PRKAG2: variants seen among roughly 807,000 people sequenced by gnomAD.
PRKAG2 encodes 5'-AMP-activated protein kinase subunit gamma-2.
PRKAG2 carries 26 observed loss-of-function variants against 69.6 expected under a neutral mutation model. The observed-to-expected ratio is 0.37, with a 90% CI of 0.27 to 0.52. The LOEUF (loss-of-function observed/expected upper bound fraction) is 0.52. Among genes scored for constraint, PRKAG2 ranks in the 20% least tolerant of loss-of-function variants. The pLI is 0.90. For synonymous variants in PRKAG2, 293 were observed against 285.0 expected, an observed-to-expected ratio of 1.03 and a Z score of -0.28; for missense variants, 557 against 740.0, an observed-to-expected ratio of 0.75 and a Z score of 2.87.
At chr7:151,853,250 G>A (rs1418695140) in intron 1 of PRKAG2, among the ~76,000 whole-genome samples, 1 of 152,170 alleles carries the variant, frequency 6.6e-6, no homozygotes, top group Non-Finnish European at 1.5e-5. Context: ...CTGCAGCTGG[G>A]TCGACACAGC....
chr7:151,663,823 T>C (rs1010903084), intron 4 of PRKAG2, among the ~76,000 whole-genome samples: 1 of 152,216 alleles, frequency 6.6e-6, no homozygotes, highest in Non-Finnish European at 1.5e-5. Context: ...CCCCTTTGCA[T>C]TGGATGTTCC....
At chr7:151,639,635 A>G (rs546339347) in intron 4 of PRKAG2, among the ~76,000 whole-genome samples, 1 of 152,298 alleles carries the variant, frequency 6.6e-6, no homozygotes, top group South Asian at 2.1e-4. Context: ...TGGGCATCAG[A>G]ACTCCAGGCT....
intron 3 of PRKAG2, among the ~76,000 whole-genome samples, chr7:151,743,913 T>C (rs2074084353): frequency 6.6e-6 from 1 of 152,198 alleles, no homozygotes; most frequent in African/African-American, 2.4e-5. Context: ...CCGTTCACTC[T>C]AATACTTGGA....
At chr7:151,684,531 G>A (rs1834394194) in intron 3 of PRKAG2, among the ~76,000 whole-genome samples, 2 of 152,158 alleles carry the variant, frequency 1.3e-5, no homozygotes, top group African/African-American at 4.8e-5. Flanking sequence ...AGCACCCTAG[G>A]ACACTGAATG....
chr7:151,722,709 G>A (rs984309124), intron 3 of PRKAG2, among the ~76,000 whole-genome samples: 2 of 152,060 alleles, frequency 1.3e-5, no homozygotes, highest in South Asian at 2.1e-4. Context: ...AGTGTGCACC[G>A]CCGCCTCCCC....
At chr7:151,713,557 C>T (rs551983960) in intron 3 of PRKAG2, among the ~76,000 whole-genome samples, 1 of 151,556 alleles carries the variant, frequency 6.6e-6, no homozygotes, top group South Asian at 2.1e-4. Context: ...CAACTATTAA[C>T]TCATGAGGAT....
At chr7:151,621,153 C>T (rs77329718) in intron 5 of PRKAG2, among the ~76,000 whole-genome samples, 3,359 of 152,272 alleles carry the variant, frequency 0.022, 121 homozygotes, top group East Asian at 0.18. Context: ...TAAGACTGAT[C>T]GCTTGTTTTC....
intron 3 of PRKAG2, among the ~76,000 whole-genome samples, chr7:151,685,958 T>A (rs1417445566): frequency 6.6e-6 from 1 of 152,188 alleles, no homozygotes. Context: ...TCGAAGATGC[T>A]AGGTTTATGT....
chr7:151,806,934 C>G (rs141345809), intron 1 of PRKAG2: 7,378 of 450,344 alleles, frequency 0.016, 95 homozygotes, highest in Non-Finnish European at 0.023. Flanking sequence ...CCATTGCACT[C>G]CAGCCTGGGG....
At chr7:151,646,947 T>G (rs1827671137) in intron 4 of PRKAG2, among the ~76,000 whole-genome samples, 1 of 152,184 alleles carries the variant, frequency 6.6e-6, no homozygotes, top group Admixed American at 6.5e-5. Context: ...TTCCTCTACC[T>G]TCCTTCCTAG....
chr7:151,804,746 C>T (rs546430955), intron 1 of PRKAG2, among the ~76,000 whole-genome samples: 6 of 152,260 alleles, frequency 3.9e-5, no homozygotes, highest in Admixed American at 1.3e-4. Flanking sequence ...TGTTCCATCG[C>T]GGCACAGAGT....
rs1245315231 is a variant in PRKAG2, at chr7:151,835,337, A to T, written c.114+41170T>A. On this transcript the variant is annotated intron_variant, in intron 1 of 15. Coordinates refer to ENST00000287878, the MANE Select transcript of PRKAG2 (RefSeq NM_016203.4). The surrounding 1 kb of genome is among the most constrained non-coding windows in gnomAD (Gnocchi z 4.1). Reference sequence around the variant, plus strand: ...GGGCTCAAGTGATCCTCCAGGTAATATTTTTATTTTTTATTATTTTTATTA... The same window carrying T: ...GGGCTCAAGTGATCCTCCAGGTAATTTTTTTATTTTTTATTATTTTTATTA... 6.6e-6 allele frequency among the ~76,000 whole-genome samples: 1 copy of T among 151,608 alleles called. No individual in the cohort carries two copies. The highest frequency in any genetic ancestry group is 1.5e-5 in the Non-Finnish European group (1 of 67,922).
At position 151,814,643 on chromosome 7, in the gene PRKAG2, T is replaced by C. The variant is rs1304254563; in HGVS notation, c.115-28102A>G. 3 of 1,231,682 alleles carry C rather than the reference T, an allele frequency of 2.4e-6. No homozygotes were observed. The African/African-American group carries it at 4.7e-5, about 19-fold the overall frequency. 76.3% of individuals were successfully genotyped at this position (1,231,682 alleles called of 1,614,324 possible). Reference sequence around the variant, plus strand: ...TGCTCCGAGCTGCTGCCACTGCATGTCTGCAACAGATGGGGACCGGGGCTG... The same window carrying C: ...TGCTCCGAGCTGCTGCCACTGCATGCCTGCAACAGATGGGGACCGGGGCTG... On this transcript the variant is annotated intron_variant, in intron 1 of 15. Transcript: ENST00000287878. This position sits in a 1 kb window ranked among gnomAD's most constrained non-coding sequence, Gnocchi z 4.8.
At chr7:151,872,290 G>C (rs1453723219) in intron 1 of PRKAG2, among the ~76,000 whole-genome samples, 1 of 152,174 alleles carries the variant, frequency 6.6e-6, no homozygotes, top group African/African-American at 2.4e-5. Flanking sequence ...TACCCTGGGG[G>C]GGGGCTTTTG....
At chr7:151,665,159 G>A (rs1830862426) in intron 4 of PRKAG2, among the ~76,000 whole-genome samples, 1 of 151,992 alleles carries the variant, frequency 6.6e-6, no homozygotes, top group South Asian at 2.1e-4. Flanking sequence ...TTTTGCTGGG[G>A]AGACTCTCAA....
chr7:151,663,146 G>A (rs1438025257), intron 4 of PRKAG2, among the ~76,000 whole-genome samples: 1 of 152,110 alleles, frequency 6.6e-6, no homozygotes, highest in Non-Finnish European at 1.5e-5. Context: ...GGCAAGGGAG[G>A]GAAGGGCAAG....
Position 151,875,951 on chromosome 7 carries a change from C to T in PRKAG2, c.114+556G>A, listed in dbSNP as rs1445306739. ...GGGAAGGGAACGGCGGCAGAGGAGA[C>T]CCCCGCTCCAGGCCCAGAAACGCCC... On this transcript the variant is annotated intron_variant, in intron 1 of 15. Transcript: ENST00000287878. 2.0e-5 allele frequency among the ~76,000 whole-genome samples: 3 copies of T among 152,120 alleles called. No individual in the cohort carries two copies. In the East Asian group the frequency reaches 5.9e-4, roughly 30 times the overall value.
intron 3 of PRKAG2, among the ~76,000 whole-genome samples, chr7:151,742,898 C>T (rs1478019905): frequency 6.6e-6 from 1 of 152,182 alleles, no homozygotes; most frequent in Non-Finnish European, 1.5e-5. Context: ...AGCTTTGGAT[C>T]CCACGATTAG....
At chr7:151,812,430 G>C (rs1369715595) in intron 1 of PRKAG2, among the ~76,000 whole-genome samples, 1 of 152,198 alleles carries the variant, frequency 6.6e-6, no homozygotes, top group African/African-American at 2.4e-5. Flanking sequence ...ATAAATCCAA[G>C]ATGGATTCCA....
Sources: gnomAD v4.1 joint callset for allele counts (sites outside exome capture counted in the v4.1 genomes callset) on GRCh38, gnomAD v4.1.1 for gene constraint, Gnocchi (gnomAD v3.1) non-coding constraint, MANE v1.5 for transcripts, NCBI Gene and HGNC (gene_info 2026-07-23, HGNC 2026-07-21) for gene names.